Variants in KHDC1 observed in about 807,000 individuals in gnomAD.
The protein encoded by KHDC1 is KH domain containing 1.
KHDC1 carries 21 observed loss-of-function variants against 24.7 expected under a neutral mutation model. The ratio of observed to expected loss-of-function variants is 0.85; its 90% CI spans 0.60 to 1.23. The LOEUF (loss-of-function observed/expected upper bound fraction) is 1.23, where lower values mean the gene tolerates loss of function less well. Among genes scored for constraint, KHDC1 ranks in the 50% most tolerant of loss-of-function variants. KHDC1 has a pLI of 0.00. For missense variants in KHDC1, 274 were observed against 298.5 expected, an observed-to-expected ratio of 0.92 and a Z score of 0.61; for synonymous variants, 98 against 111.7, an observed-to-expected ratio of 0.88 and a Z score of 0.77.
At chr6:73,245,992 A>T (rs1355608122) in intron 2 of KHDC1, among the ~76,000 whole-genome samples, 2 of 152,196 alleles carry the variant, frequency 1.3e-5, no homozygotes, top group African/African-American at 4.8e-5. Flanking sequence ...ATTCCGGGTT[A>T]TTGGACTTTG....
chr6:73,256,552 C>T (rs889396944), intron 2 of KHDC1, among the ~76,000 whole-genome samples: 1 of 152,224 alleles, frequency 6.6e-6, no homozygotes. Context: ...CAACTATTAA[C>T]AGCCAGTTTA....
chr6:73,247,129 C>A (rs1409568480), intron 2 of KHDC1, among the ~76,000 whole-genome samples: 1 of 151,962 alleles, frequency 6.6e-6, no homozygotes, highest in Non-Finnish European at 1.5e-5. Flanking sequence ...AGGCATGAAC[C>A]ACCATGCCCA....
At chr6:73,254,322 G>A (rs950387796) in intron 2 of KHDC1, among the ~76,000 whole-genome samples, 11 of 151,918 alleles carry the variant, frequency 7.2e-5, no homozygotes, top group East Asian at 5.8e-4. Flanking sequence ...TTAGCCAGGC[G>A]TGGTGGTGCG....
At position 73,288,921 on chromosome 6, in the gene KHDC1, C is replaced by T. The variant is rs920743485; in HGVS notation, c.206+3077G>A. Among the ~76,000 whole-genome samples the T allele has an allele frequency of 2.0e-5, 3 of 152,076 alleles. No individual in the cohort carries two copies. In the South Asian group the frequency reaches 6.2e-4, roughly 32 times the overall value. On this transcript the variant is annotated intron_variant, in intron 2 of 4. Transcript: ENST00000370384. ...TAGTAGACGGTCTTAAAGTTTTCAG[C>T]CCCAATTAAACCTAAATAGATTAAA...
chr6:73,257,308 A>G (rs915257639), intron 2 of KHDC1, among the ~76,000 whole-genome samples: 1 of 152,142 alleles, frequency 6.6e-6, no homozygotes, highest in African/African-American at 2.4e-5. Flanking sequence ...ACAAAAACAA[A>G]AAGCAAGGCA....
intron 1 of KHDC1, among the ~76,000 whole-genome samples, chr6:73,298,415 C>T (rs1767799872): frequency 7.1e-6 from 1 of 139,992 alleles, no homozygotes; most frequent in Non-Finnish European, 1.5e-5. Flanking sequence ...GGACTCTATA[C>T]TTTGCAAATT....
chr6:73,262,918 C>A, intron 2 of KHDC1: 1 of 987,420 alleles, frequency 1.0e-6, no homozygotes. Flanking sequence ...CTTCTCTGTC[C>A]CTTCACCGGA....
At chr6:73,286,293 G>T (rs1205945178) in intron 2 of KHDC1, among the ~76,000 whole-genome samples, 1 of 152,122 alleles carries the variant, frequency 6.6e-6, no homozygotes, top group Non-Finnish European at 1.5e-5. Context: ...GTTTACATAA[G>T]ATGATATTGG....
exon 3 of KHDC1, chr6:73,242,465 T>C (rs1766591413): frequency 3.7e-6 from 6 of 1,614,190 alleles, no homozygotes; most frequent in Non-Finnish European, 5.1e-6. Context: ...ATGAAAGTTT[T>C]GAGGCAGGGT....
intron 2 of KHDC1, among the ~76,000 whole-genome samples, chr6:73,259,513 T>G (rs1474729883): frequency 6.6e-6 from 1 of 152,150 alleles, no homozygotes; most frequent in Non-Finnish European, 1.5e-5. Context: ...GGGGTTCTTC[T>G]TACTTCTCCT....
Position 73,262,253 on chromosome 6 carries a change from G to C in KHDC1, c.207-19723C>G, listed in dbSNP as rs542698039. 4.6e-5 allele frequency among the ~76,000 whole-genome samples: 7 copies of C among 152,326 alleles called. No homozygotes were observed. In the South Asian group the frequency reaches 1.2e-3, roughly 27 times the overall value. ...TCATAGGGCTGTGGTGAGAACTAGAGGAGTTAATACATTTAAAGAGCTTAA... is the reference window on the plus strand; with the variant it reads ...TCATAGGGCTGTGGTGAGAACTAGACGAGTTAATACATTTAAAGAGCTTAA... On this transcript the variant is annotated intron_variant, in intron 2 of 4. Transcript: ENST00000370384.
chr6:73,303,841 T>C (rs1767916892), intron 1 of KHDC1, among the ~76,000 whole-genome samples: 1 of 151,960 alleles, frequency 6.6e-6, no homozygotes, highest in South Asian at 2.1e-4. Context: ...AAAACTAAAA[T>C]CATGAAAAAA....
chr6:73,253,020 T>C (rs1386370135), intron 2 of KHDC1, among the ~76,000 whole-genome samples: 1 of 152,114 alleles, frequency 6.6e-6, no homozygotes, highest in African/African-American at 2.4e-5. Context: ...AACTACAAGC[T>C]CTACAAAACA....
At chr6:73,304,853 T>C (rs1476119052) in intron 1 of KHDC1, among the ~76,000 whole-genome samples, 1 of 152,104 alleles carries the variant, frequency 6.6e-6, no homozygotes, top group Non-Finnish European at 1.5e-5. Flanking sequence ...CTTTGAAAAC[T>C]ACTAAAACCC....
chr6:73,242,278 A>G, intron 3 of KHDC1, 41 bp from the exon 3 acceptor site: 1 of 1,605,616 alleles, frequency 6.2e-7, no homozygotes, highest in Non-Finnish European at 8.5e-7. Context: ...GTCAAGCACC[A>G]GCCCTTAGGG....
chr6:73,246,986 G>GT lies in KHDC1; in HGVS notation c.207-4457dup, dbSNP rs1246626790. Among the ~76,000 whole-genome samples, 50 of 147,404 alleles carry GT rather than the reference G, an allele frequency of 3.4e-4. No homozygotes were observed. The Middle Eastern group carries it at 0.01, about 30-fold the overall frequency. On this transcript the variant is annotated intron_variant, in intron 2 of 4. Coordinates refer to ENST00000370384, the Ensembl canonical transcript of KHDC1. ...AAAATAAGTCAACTTTTTTTTTTCTGTTTTTTTTGAGACAGAGTTTTGCTA... is the reference window on the plus strand; with the variant it reads ...AAAATAAGTCAACTTTTTTTTTTCTGTTTTTTTTTGAGACAGAGTTTTGCTA...
intron 1 of KHDC1, among the ~76,000 whole-genome samples, chr6:73,298,299 C>G (rs190753828): frequency 1.1e-3 from 169 of 152,086 alleles, no homozygotes; most frequent in African/African-American, 3.9e-3. Flanking sequence ...AATGCAAGGA[C>G]AGGCTCAAGT....
At chr6:73,296,623 T>A (rs140255263) in intron 1 of KHDC1, among the ~76,000 whole-genome samples, 92 of 152,284 alleles carry the variant, frequency 6.0e-4, no homozygotes, top group Non-Finnish European at 1.0e-3. Flanking sequence ...TACATTTGGA[T>A]TCAAACTTTT....
In KHDC1 at chr6:73,263,642, G is replaced by T. The variant is rs1470041820; in HGVS notation, c.207-21112C>A. Among the ~76,000 whole-genome samples, 2 of 151,176 alleles carry T rather than the reference G, an allele frequency of 1.3e-5. 1 individual carries two copies. The highest frequency in any genetic ancestry group is 3.9e-4 in the East Asian group (2 of 5,100). ...GGGGGGTGACCCAGGCCCACCCTCT[G>T]CAGGGCACTTAAAATGCTCCACATC... On this transcript the variant is annotated intron_variant, in intron 2 of 4. Coordinates refer to ENST00000370384, the Ensembl canonical transcript of KHDC1.
Sources: gnomAD v4.1 joint callset for allele counts (sites outside exome capture counted in the v4.1 genomes callset) on GRCh38, gnomAD v4.1.1 for gene constraint, MANE v1.5 for transcripts, NCBI Gene and HGNC (gene_info 2026-07-23, HGNC 2026-07-21) for gene names.